AAMDC: variants seen among roughly 807,000 people sequenced by gnomAD.
The protein encoded by AAMDC is adipogenesis associated Mth938 domain containing, also known as mth938 domain-containing protein.
A neutral mutation model predicts 15.5 loss-of-function variants in AAMDC; 16 were observed. That is an observed-to-expected ratio of 1.03 (90% confidence interval 0.70 to 1.57). The LOEUF is 1.57. Among genes scored for constraint, AAMDC ranks in the 40% most tolerant of loss-of-function variants. The pLI is 0.00. For synonymous variants in AAMDC, 51 were observed against 51.6 expected (o/e 0.99, Z 0.05); for missense variants, 141 against 144.9 (o/e 0.97, Z 0.14).
intron 2 of AAMDC, among the ~76,000 whole-genome samples, chr11:77,863,295 C>A (rs1410054036): frequency 6.6e-6 from 1 of 152,152 alleles, no homozygotes; most frequent in Non-Finnish European, 1.5e-5. Flanking sequence ...ACAGCAGACA[C>A]CCTGCCGGAT....
intron 5 of AAMDC, among the ~76,000 whole-genome samples, chr11:77,898,748 G>A (rs1166432565): frequency 2.0e-5 from 3 of 152,120 alleles, no homozygotes; most frequent in South Asian, 2.1e-4. Context: ...AGCCAGGCAC[G>A]GTAGCTCACG....
chr11:77,882,142 T>C (rs1025201711), intron 5 of AAMDC, among the ~76,000 whole-genome samples: 1 of 152,148 alleles, frequency 6.6e-6, no homozygotes, highest in African/African-American at 2.4e-5. Flanking sequence ...TCTCAGACTC[T>C]TGGGCTCAAT....
downstream of AAMDC, among the ~76,000 whole-genome samples, chr11:77,872,609 A>G (rs1951481546): frequency 6.6e-6 from 1 of 152,162 alleles, no homozygotes; most frequent in Non-Finnish European, 1.5e-5. Flanking sequence ...CTGTTCTACT[A>G]ACCAACCCTG....
Position 77,883,174 on chromosome 11 carries a change from C to T in AAMDC, c.328+6125C>T, listed in dbSNP as rs146843456. ...AGGCATTCCCTATCTCTAAAATAAA[C>T]CAAATTTGGTGGCATTAAACACCTC... On this transcript the variant is annotated intron_variant, in intron 5 of 5. Transcript: ENST00000304716. 5.3e-3 allele frequency among the ~76,000 whole-genome samples: 810 copies of T among 152,118 alleles called. 5 individuals carry two copies. Among genetic ancestry groups the T allele is most frequent in the Middle Eastern group, 0.017 (5 of 294 alleles).
chr11:77,842,084 G>A (rs1412286128), intron 1 of AAMDC, among the ~76,000 whole-genome samples: 1 of 152,174 alleles, frequency 6.6e-6, no homozygotes, highest in Admixed American at 6.5e-5. Context: ...TTCTCTGATT[G>A]TGGTATATGC....
At position 77,884,058 on chromosome 11, in the gene AAMDC, C is replaced by T. The variant is rs1456532154; in HGVS notation, c.328+7009C>T. 4.3e-6 allele frequency: 5 copies of T among 1,150,672 alleles called. No homozygotes were observed. In the African/African-American group the frequency reaches 4.6e-5, roughly 11 times the overall value. 71.3% of individuals were successfully genotyped at this position (1,150,672 alleles called of 1,614,324 possible). A position where few individuals can be genotyped will look rare whatever the true frequency, so the allele number is the denominator to read the frequency against. Reference sequence around the variant, plus strand: ...TCAAAACACAAGAAGAAACATGACACCAACTTTACTAAGATTGAGCCTTGG... The same window carrying T: ...TCAAAACACAAGAAGAAACATGACATCAACTTTACTAAGATTGAGCCTTGG... On this transcript the variant is annotated intron_variant, in intron 5 of 5. Coordinates refer to the AAMDC transcript ENST00000304716.
downstream of AAMDC, chr11:77,872,443 G>A (rs1423435098): frequency 2.7e-6 from 3 of 1,100,130 alleles, no homozygotes; most frequent in Non-Finnish European, 3.7e-6. Context: ...CTAGGCTCTT[G>A]GGATGCAGGG....
At chr11:77,901,605 A>C (rs1952779978), downstream of AAMDC, 3 of 1,368,046 alleles carry the variant, frequency 2.2e-6, no homozygotes, top group African/African-American at 1.4e-5. Flanking sequence ...CTTACTTGAG[A>C]GCAGCATAGA....
intron 2 of AAMDC, among the ~76,000 whole-genome samples, chr11:77,868,468 C>A (rs1341904421): frequency 6.6e-6 from 1 of 150,576 alleles, no homozygotes; most frequent in Non-Finnish European, 1.5e-5. Flanking sequence ...AAGTGATTCT[C>A]CTGCCTCAGC....
chr11:77,882,094 A>C (rs149731089), intron 5 of AAMDC, among the ~76,000 whole-genome samples: 1 of 151,808 alleles, frequency 6.6e-6, no homozygotes, highest in Non-Finnish European at 1.5e-5. Flanking sequence ...TTATATATCT[A>C]TTGTAGAGAT....
intron 5 of AAMDC, among the ~76,000 whole-genome samples, chr11:77,887,998 C>T (rs1443504426): frequency 6.6e-6 from 1 of 152,124 alleles, no homozygotes; most frequent in African/African-American, 2.4e-5. Flanking sequence ...GCCATACTGC[C>T]CAAGGTAATT....
chr11:77,859,692 T>G (rs1395087139), intron 2 of AAMDC, among the ~76,000 whole-genome samples: 2 of 152,150 alleles, frequency 1.3e-5, no homozygotes, highest in African/African-American at 4.8e-5. Context: ...GTATACAAGT[T>G]GAGGTTGGGA....
downstream of AAMDC, among the ~76,000 whole-genome samples, chr11:77,873,260 A>G (rs757950753): frequency 6.6e-6 from 1 of 152,228 alleles, no homozygotes; most frequent in Non-Finnish European, 1.5e-5. Flanking sequence ...TAACATTAGC[A>G]GTACCTGGAG....
intron 5 of AAMDC, among the ~76,000 whole-genome samples, chr11:77,897,086 T>C (rs1028964531): frequency 6.6e-6 from 1 of 151,280 alleles, no homozygotes; most frequent in Non-Finnish European, 1.5e-5. Flanking sequence ...CCCAATAAAA[T>C]AAATAAATAA....
chr11:77,859,300 C>G (rs1210340977), intron 2 of AAMDC, among the ~76,000 whole-genome samples: 1 of 152,148 alleles, frequency 6.6e-6, no homozygotes, highest in Non-Finnish European at 1.5e-5. Flanking sequence ...TCAATATCTG[C>G]TTGGTAGTTC....
chr11:77,850,953 CTTTTTTTTT>C (rs10644646), intron 2 of AAMDC: 3 of 119,554 alleles, frequency 2.5e-5, no homozygotes, highest in African/African-American at 3.2e-5. Context: ...ACAATAATAT[CTTTTTTTTT>C]TTTTTTTTTT....
intron 1 of AAMDC, among the ~76,000 whole-genome samples, chr11:77,821,968 A>C (rs1948928197): frequency 6.6e-6 from 1 of 152,132 alleles, no homozygotes; most frequent in South Asian, 2.1e-4. Flanking sequence ...TACTAGATAA[A>C]TCACAGTAAA....
At chr11:77,876,816 G>A (rs1951607691), downstream of AAMDC, 2 of 597,702 alleles carry the variant, frequency 3.3e-6, no homozygotes, top group Non-Finnish European at 6.0e-6. Context: ...GGAAAATGAG[G>A]GCTAACTTGG....
chr11:77,891,421 C>T, intron 5 of AAMDC: 1 of 1,613,694 alleles, frequency 6.2e-7, no homozygotes, highest in Non-Finnish European at 8.5e-7. Context: ...GGTTGTCTGA[C>T]TCGCCCGCTG....
Sources: allele counts gnomAD v4.1 joint callset (sites outside exome capture counted in the v4.1 genomes callset), GRCh38; gene constraint gnomAD v4.1.1; transcripts MANE v1.5; gene names NCBI Gene and HGNC (gene_info 2026-07-23, HGNC 2026-07-21).